LUC7L2: variants seen among roughly 807,000 people sequenced by gnomAD.
LUC7L2 encodes putative RNA-binding protein Luc7-like 2.
LUC7L2 carries 25 observed loss-of-function variants against 52.8 expected under a neutral mutation model. That is an observed-to-expected ratio of 0.47 (90% CI 0.34 to 0.66). The LOEUF (loss-of-function observed/expected upper bound fraction) is 0.66, where lower values mean the gene tolerates loss of function less well. Ranked by LOEUF, LUC7L2 falls within the 30% of genes least tolerant of loss-of-function variation. LUC7L2 has a pLI of 0.01. For missense variants in LUC7L2, 328 were observed against 497.8 expected, an observed-to-expected ratio of 0.66 and a Z score of 3.25; for synonymous variants, 144 against 160.9, an observed-to-expected ratio of 0.89 and a Z score of 0.80.
intron 1 of LUC7L2, among the ~76,000 whole-genome samples, chr7:139,370,468 T>G (rs887832870): frequency 3.9e-5 from 6 of 152,158 alleles, no homozygotes; most frequent in African/African-American, 1.4e-4. Context: ...TTTTTGTTTG[T>G]TTGGTTTGAG....
At chr7:139,416,939 G>A (rs1416004067) in intron 8 of LUC7L2, 2 of 152,288 alleles carry the variant, frequency 1.3e-5, no homozygotes, top group Non-Finnish European at 2.9e-5. Flanking sequence ...AGATAATATA[G>A]CCCCTGGCAT....
chr7:139,374,515 C>G, intron 1 of LUC7L2: 1 of 1,548,778 alleles, frequency 6.5e-7, no homozygotes, highest in South Asian at 1.2e-5. Flanking sequence ...GAATGTGGAA[C>G]AAAAGCAGTT....
chr7:139,374,785 T>C, intron 1 of LUC7L2: 1 of 1,136,228 alleles, frequency 8.8e-7, no homozygotes, highest in Non-Finnish European at 1.1e-6. Context: ...TCTTACCCCA[T>C]CTAAAAATGA....
chr7:139,362,737 A>C (rs921266133), intron 1 of LUC7L2, among the ~76,000 whole-genome samples: 2 of 151,638 alleles, frequency 1.3e-5, no homozygotes, highest in Non-Finnish European at 2.9e-5. Context: ...CTGTGAAGGA[A>C]TCTGAAGTGG....
intron 1 of LUC7L2, chr7:139,374,805 G>A: frequency 9.0e-7 from 1 of 1,105,852 alleles, no homozygotes; most frequent in Admixed American, 4.7e-5. Flanking sequence ...ATAGTGTTTA[G>A]TTGAATTTAA....
chr7:139,376,935 A>G (rs188715632), intron 2 of LUC7L2, among the ~76,000 whole-genome samples: 31 of 152,338 alleles, frequency 2.0e-4, no homozygotes, highest in Admixed American at 2.0e-3. Context: ...TGAGTTTCTC[A>G]GCCAAATGAG....
chr7:139,350,631 CTA>C (rs1483919586), intron 1 of LUC7L2, among the ~76,000 whole-genome samples: 1 of 151,202 alleles, frequency 6.6e-6, no homozygotes, highest in Non-Finnish European at 1.5e-5. Context: ...GCATTTGACA[CTA>C]TGGGCAATTC....
chr7:139,342,446 C>T (rs902807352), intron 1 of LUC7L2, among the ~76,000 whole-genome samples: 1 of 152,012 alleles, frequency 6.6e-6, no homozygotes, highest in Non-Finnish European at 1.5e-5. Flanking sequence ...GTGGTTTAGC[C>T]CTAAGGTGTG....
chr7:139,409,027 C>T (rs551074517), intron 6 of LUC7L2, among the ~76,000 whole-genome samples: 79 of 151,740 alleles, frequency 5.2e-4, no homozygotes, highest in East Asian at 3.9e-4. Flanking sequence ...TGGTGATGCA[C>T]GCCTGTAATC....
In LUC7L2 at chr7:139,407,382, T is replaced by C. The variant is rs189745402; in HGVS notation, c.687+32T>C. The C allele has an allele frequency of 1.7e-4, 266 of 1,583,880 alleles. No homozygotes were observed. In the African/African-American group the frequency reaches 2.9e-3, roughly 17 times the overall value. ...TGGTAAAATATTCCTCACTTTATCC[T>C]CTTGTTCTTTTGATCTGTATCAGTT... On this transcript the variant is annotated intron_variant, in intron 6 of 9. Transcript: ENST00000354926.
At chr7:139,362,578 G>A (rs111451813) in intron 1 of LUC7L2, among the ~76,000 whole-genome samples, 2 of 151,180 alleles carry the variant, frequency 1.3e-5, no homozygotes, top group East Asian at 3.9e-4. Context: ...AGGTGGGAGA[G>A]AGATGGAAAA....
intron 1 of LUC7L2, chr7:139,341,314 C>T: frequency 6.5e-7 from 1 of 1,544,898 alleles, no homozygotes; most frequent in East Asian, 2.3e-5. Context: ...CCATTAGGCG[C>T]CTGGGCCGGA....
chr7:139,376,238 A>G (rs570327898), intron 2 of LUC7L2, 82 bp downstream of exon 2: 13 of 1,435,094 alleles, frequency 9.1e-6, no homozygotes, highest in East Asian at 2.3e-5. Flanking sequence ...TTCTGTGTCA[A>G]AAGAATTGAC....
At chr7:139,408,252 G>A (rs939598275) in intron 6 of LUC7L2, among the ~76,000 whole-genome samples, 1 of 152,050 alleles carries the variant, frequency 6.6e-6, no homozygotes, top group Non-Finnish European at 1.5e-5. Context: ...TAAAAATTTC[G>A]AAAAGAGTCA....
intron 1 of LUC7L2, chr7:139,340,529 G>A (rs1798882385): frequency 1.0e-5 from 4 of 398,514 alleles, no homozygotes; most frequent in South Asian, 1.3e-4. Context: ...TAAAGCCTTT[G>A]GCGCGGTGAT....
chr7:139,414,482 G>A (rs1019988222), intron 8 of LUC7L2, among the ~76,000 whole-genome samples: 5 of 152,278 alleles, frequency 3.3e-5, no homozygotes, highest in African/African-American at 1.2e-4. Flanking sequence ...GGTTGGACAA[G>A]CTTGGCATAG....
At chr7:139,370,322 G>C (rs1193481882) in intron 1 of LUC7L2, among the ~76,000 whole-genome samples, 3 of 152,206 alleles carry the variant, frequency 2.0e-5, no homozygotes, top group African/African-American at 7.2e-5. Flanking sequence ...AACAAAGGTA[G>C]GTGGGAGAAG....
upstream of LUC7L2, chr7:139,359,714 C>G (rs1012902350): frequency 1.0e-5 from 4 of 398,642 alleles, no homozygotes; most frequent in African/African-American, 2.1e-5. Context: ...CCGGCTTGCA[C>G]AGTCAGTTAA....
At chr7:139,398,224 C>T (rs989657840) in intron 2 of LUC7L2, among the ~76,000 whole-genome samples, 1 of 152,200 alleles carries the variant, frequency 6.6e-6, no homozygotes, top group African/African-American at 2.4e-5. Context: ...AGCACATTGA[C>T]ATCTCAACAA....
Sources: gnomAD v4.1 joint callset for allele counts (sites outside exome capture counted in the v4.1 genomes callset) on GRCh38, gnomAD v4.1.1 for gene constraint, MANE v1.5 for transcripts, NCBI Gene and HGNC (gene_info 2026-07-23, HGNC 2026-07-21) for gene names.